Variants in GYPE observed in about 807,000 individuals in gnomAD.
GYPE encodes the protein glycophorin-E.
Under a neutral mutation model 11.6 loss-of-function variants are expected in GYPE, and 8 were observed. The ratio of observed to expected loss-of-function variants is 0.69; its 90% CI spans 0.41 to 1.25. GYPE has a LOEUF of 1.25. GYPE is among the 50% of genes most tolerant of loss of function. The pLI is 0.01. For synonymous variants in GYPE, 28 were observed against 29.6 expected, an observed-to-expected ratio of 0.94 and a Z score of 0.18; for missense variants, 90 against 92.8, an observed-to-expected ratio of 0.97 and a Z score of 0.12.
chr4:143,882,703 C>T (rs903319763), intron 1 of GYPE, among the ~76,000 whole-genome samples: 2 of 152,134 alleles, frequency 1.3e-5, no homozygotes, highest in Non-Finnish European at 2.9e-5. Flanking sequence ...ACTTCCATTT[C>T]TAACTTTCAT....
intron 3 of GYPE, chr4:143,873,356 C>T (rs1743681907): frequency 6.8e-6 from 3 of 438,576 alleles, no homozygotes; most frequent in Admixed American, 5.0e-5. Context: ...ATAATTTTCA[C>T]CTGGTTGGCA....
rs1743631231 is a variant in GYPE, at chr4:143,871,902, T to G, written c.*360A>C. The G allele has an allele frequency of 6.6e-6, 1 of 152,080 alleles. No homozygotes were observed. Among genetic ancestry groups the G allele is most frequent in the South Asian group, 2.1e-4 (1 of 4,826 alleles). 9.4% of individuals were successfully genotyped at this position (152,080 alleles called of 1,614,324 possible). Reference sequence around the variant, plus strand: ...TAAGGACCTCAGAGTATTCAAAGTATCAAATGGAATGTGACTGAAGAGTTA... The same window carrying G: ...TAAGGACCTCAGAGTATTCAAAGTAGCAAATGGAATGTGACTGAAGAGTTA... On this transcript the variant is annotated 3_prime_UTR_variant, in exon 4 of 4. Transcript: ENST00000358615.
At chr4:143,883,308 A>G (rs1199169562) in intron 1 of GYPE, among the ~76,000 whole-genome samples, 1 of 151,962 alleles carries the variant, frequency 6.6e-6, no homozygotes, top group Admixed American at 6.6e-5. Context: ...CCTCCCCAGA[A>G]GCAGAAGCAC....
intron 1 of GYPE, among the ~76,000 whole-genome samples, chr4:143,894,904 C>A (rs561552362): frequency 6.6e-6 from 1 of 152,070 alleles, no homozygotes; most frequent in East Asian, 1.9e-4. Flanking sequence ...AGACAAAAAC[C>A]ACATGATTAT....
chr4:143,882,887 A>G (rs62338485), intron 1 of GYPE, among the ~76,000 whole-genome samples: 1 of 152,340 alleles, frequency 6.6e-6, no homozygotes, highest in African/African-American at 2.4e-5. Context: ...GAATTTTCTC[A>G]GCATGAGAAT....
At chr4:143,876,596 A>G (rs1440133892) in intron 3 of GYPE, 150 bp downstream of exon 3, 1 of 572,350 alleles carries the variant, frequency 1.7e-6, no homozygotes, top group East Asian at 3.0e-5. Flanking sequence ...TATGCTAGAG[A>G]AACACAGTGA....
At chr4:143,878,046 T>C (rs1743877983) in intron 2 of GYPE, among the ~76,000 whole-genome samples, 1 of 150,750 alleles carries the variant, frequency 6.6e-6, no homozygotes, top group Non-Finnish European at 1.5e-5. Context: ...TCAGGGTTGG[T>C]TAGAAAGGTA....
rs368795769 is a variant in GYPE, at chr4:143,905,518, C to G, written c.-11G>C. 42 of 1,613,036 alleles carry G rather than the reference C, an allele frequency of 2.6e-5. No homozygotes were observed. The South Asian group carries it at 4.2e-4, about 16-fold the overall frequency. On this transcript the variant is annotated 5_prime_UTR_variant, in exon 1 of 4. Transcript: ENST00000358615. ...TATTTTTCCATACATCCTGAGATCA[C>G]GAGCTGGCTCCTGAAGTTAGTGCAA...
intron 1 of GYPE, among the ~76,000 whole-genome samples, chr4:143,891,132 T>C (rs4835371): frequency 0.93 from 140,015 of 150,950 alleles, 65,890 homozygotes; most frequent in East Asian, 1. Context: ...TTGTGGGCCA[T>C]AACTACTTTA....
chr4:143,892,615 C>T (rs1326674474), intron 1 of GYPE, among the ~76,000 whole-genome samples: 203 of 151,952 alleles, frequency 1.3e-3, no homozygotes, highest in African/African-American at 4.5e-3. Context: ...TGTAGTTGAG[C>T]GGTTTTGAGT....
chr4:143,878,531 C>G (rs1311590956), intron 2 of GYPE: 2 of 414,724 alleles, frequency 4.8e-6, no homozygotes, highest in Non-Finnish European at 9.6e-6. Context: ...AAGTTAACAA[C>G]ATATGCTCTT....
chr4:143,891,044 A>G (rs1402205372), intron 1 of GYPE, among the ~76,000 whole-genome samples: 2 of 152,082 alleles, frequency 1.3e-5, no homozygotes, highest in Non-Finnish European at 2.9e-5. Context: ...AAGTTTTTCA[A>G]ATTGTCTGTT....
chr4:143,884,075 A>G (rs34324619), intron 1 of GYPE, among the ~76,000 whole-genome samples: 121,711 of 131,624 alleles, frequency 0.92, 56,130 homozygotes, highest in South Asian at 0.95. Context: ...TGCTTGCCTC[A>G]CATCTTCATT....
chr4:143,875,152 G>A (rs1743748356), intron 3 of GYPE, among the ~76,000 whole-genome samples: 2 of 152,076 alleles, frequency 1.3e-5, no homozygotes, highest in South Asian at 2.1e-4. Flanking sequence ...ATCCTGGACA[G>A]CCACCTAATG....
intron 3 of GYPE, among the ~76,000 whole-genome samples, chr4:143,873,646 A>G (rs1298356008): frequency 2.0e-5 from 3 of 152,196 alleles, no homozygotes; most frequent in African/African-American, 7.2e-5. Flanking sequence ...CCATTGAGTG[A>G]TGTTCATCAG....
chr4:143,898,888 C>G (rs1317785739), intron 1 of GYPE, among the ~76,000 whole-genome samples: 2 of 151,194 alleles, frequency 1.3e-5, no homozygotes, highest in African/African-American at 2.4e-5. Context: ...TTTTTCCTAG[C>G]AAAATGCAAT....
chr4:143,876,541 T>G (rs377580982), intron 3 of GYPE, among the ~76,000 whole-genome samples: 1 of 152,144 alleles, frequency 6.6e-6, no homozygotes, highest in African/African-American at 2.4e-5. Flanking sequence ...GGGACAGATT[T>G]ATATTTAGAG....
chr4:143,876,270 C>A (rs528119786), intron 3 of GYPE, among the ~76,000 whole-genome samples: 1 of 152,196 alleles, frequency 6.6e-6, no homozygotes, highest in East Asian at 1.9e-4. Flanking sequence ...TGCACCACCA[C>A]GCCTTTCTAA....
chr4:143,903,614 C>T (rs985434894), intron 1 of GYPE, among the ~76,000 whole-genome samples: 3 of 149,704 alleles, frequency 2.0e-5, no homozygotes, highest in Admixed American at 6.7e-5. Flanking sequence ...CTTGATCTTA[C>T]ACCTTTCTGT....
Sources: gnomAD v4.1 joint callset for allele counts (sites outside exome capture counted in the v4.1 genomes callset) on GRCh38, gnomAD v4.1.1 for gene constraint, MANE v1.5 for transcripts, NCBI Gene and HGNC (gene_info 2026-07-23, HGNC 2026-07-21) for gene names.